The following SSX1 variants were observed in gnomAD, a reference collection of about 807,000 sequenced individuals.
SSX1 encodes the protein protein SSX1.
A neutral mutation model predicts 14.6 loss-of-function variants in SSX1; 58 were observed. That is an observed-to-expected ratio of 3.96 (90% CI 3.21 to 4.93). SSX1 has a LOEUF of 4.93. SSX1 is among the 30% of genes most tolerant of loss of function. SSX1 has a pLI of 0.00. For synonymous variants in SSX1, 46 were observed against 52.1 expected, an observed-to-expected ratio of 0.88 and a Z score of 0.50; for missense variants, 272 against 143.1, an observed-to-expected ratio of 1.90 and a Z score of -4.60.
intron 3 of SSX1, among the ~76,000 whole-genome samples, chrX:48,258,328 A>C (rs12557174): frequency 0.42 from 43,927 of 105,212 alleles, 7,024 homozygotes; most frequent in Non-Finnish European, 0.46. Context: ...GTAGCTGAGG[A>C]TATGAGCACA....
At chrX:48,266,634 G>T (rs1212371357) in intron 7 of SSX1, among the ~76,000 whole-genome samples, 2 of 111,750 alleles carry the variant, frequency 1.8e-5, no homozygotes, top group Non-Finnish European at 3.8e-5. Context: ...CTGATATGTG[G>T]CCACACCTTC....
chrX:48,265,611 T>G (rs2146616520), intron 6 of SSX1, among the ~76,000 whole-genome samples: 1 of 111,707 alleles, frequency 9.0e-6, no homozygotes, highest in East Asian at 2.8e-4. Flanking sequence ...TAGTCAATAA[T>G]AACTTAATCG....
chrX:48,261,789 G>C lies in SSX1; in HGVS notation c.304G>C (p.Gly102Arg). The C allele has an allele frequency of 1.7e-6, 2 of 1,210,579 alleles. No individual in the cohort carries two copies. The highest frequency in any genetic ancestry group is 1.8e-5 in the South Asian group (1 of 56,887). ...IQVEHPQMTF[G>R]RLHRIIPKIM... ...AGTTGAACATCCTCAGATGACTTTC[G>C]GCAGGCTCCACAGAATCATCCCGAA... The change falls in exon 5 of 8, where the codon GGC (glycine) becomes CGC (arginine). Residue 102 changes from glycine to arginine, a missense_variant. By Grantham distance (125) the Gly-to-Arg change is moderately radical (BLOSUM62 -2). Transcript: ENST00000376919.
In SSX1 at chrX:48,257,310, G is replaced by A. The variant is rs782015093; in HGVS notation, c.69G>A (p.Lys23=). 6.6e-6 allele frequency: 8 copies of A among 1,210,586 alleles called. No homozygotes were observed. The highest frequency in any genetic ancestry group is 8.9e-6 in the Non-Finnish European group (8 of 894,746). The stretch of plus-strand genomic sequence containing the variant: ...CTAAAGCATCAGAGAAGAGAAGCAA[G>A]GTGACGTGACCTGGAGGGGGCAGAG... ...DDAKASEKRS[K]AFDDIATYFS... The change falls in exon 2 of 8, where the codon AAG becomes AAA. Residue 23 remains lysine, a splice_region_variant and synonymous_variant. Transcript: ENST00000376919.
rs1391338759 is a variant in SSX1 at position 48,266,409 on chromosome X, T to G, written c.*4+18T>G. The G allele has an allele frequency of 8.3e-7, 1 of 1,208,241 alleles. No individual in the cohort carries two copies. The highest frequency in any genetic ancestry group is 1.7e-5 in the African/African-American group (1 of 57,204). ...GTAACTCCGTAAGTGAACCTTCGGC[T>G]CACCCTCCACATCCCTGCAGATGTG... On this transcript the variant is annotated intron_variant, in intron 7 of 7. Coordinates refer to ENST00000376919, the MANE Select transcript of SSX1 (RefSeq NM_005635.4).
chrX:48,257,695 G>A (rs1556934620), intron 2 of SSX1, 51 bp from the exon 3 acceptor site: 1 of 1,161,056 alleles, frequency 8.6e-7, no homozygotes, highest in Non-Finnish European at 1.2e-6. Flanking sequence ...CCAGCTGAAT[G>A]GCAGACATAC....
chrX:48,258,405 G>A (rs2059591593), intron 3 of SSX1, 131 bp from the exon 4 acceptor site: 1 of 529,149 alleles, frequency 1.9e-6, no homozygotes, highest in East Asian at 3.5e-5. Context: ...TGTTACACAG[G>A]CTCATCTTGA....
chrX:48,258,103 C>G (rs1474928744), intron 3 of SSX1, among the ~76,000 whole-genome samples: 26 of 107,516 alleles, frequency 2.4e-4, no homozygotes, highest in Admixed American at 2.0e-4. Flanking sequence ...CTGTTCTGAT[C>G]AGCCCAGCTG....
chrX:48,259,619 A>C (rs782281578), intron 4 of SSX1, among the ~76,000 whole-genome samples: 1 of 109,888 alleles, frequency 9.1e-6, no homozygotes, highest in African/African-American at 3.3e-5. Context: ...ACCCCACAAC[A>C]GTCCCCAGAG....
chrX:48,260,312 T>C (rs1255158734), intron 4 of SSX1, among the ~76,000 whole-genome samples: 1 of 110,723 alleles, frequency 9.0e-6, no homozygotes. Context: ...TGTTTTTTTC[T>C]TGTAAATTTG....
At chrX:48,260,439 A>C (rs1294948642) in intron 4 of SSX1, among the ~76,000 whole-genome samples, 1 of 111,896 alleles carries the variant, frequency 8.9e-6, no homozygotes, top group Non-Finnish European at 1.9e-5. Context: ...TTTGCTGTGC[A>C]GAAGCTCTTT....
At chrX:48,261,603 A>C (rs781890731) in intron 4 of SSX1, among the ~76,000 whole-genome samples, 163 bp from the exon 5 acceptor site, 3 of 112,609 alleles carry the variant, frequency 2.7e-5, no homozygotes, top group Admixed American at 9.5e-5. Flanking sequence ...CAGATAAATG[A>C]ACCAACCATG....
At chrX:48,257,568 T>A in intron 2 of SSX1, 178 bp from the exon 3 acceptor site, 3 of 752,847 alleles carry the variant, frequency 4.0e-6, no homozygotes, top group Non-Finnish European at 4.7e-6. Flanking sequence ...ATTAAAGCCC[T>A]AATGTGTGCC....
chrX:48,257,107 G>A (rs2059584633), intron 1 of SSX1, 115 bp from the exon 2 acceptor site: 4 of 667,054 alleles, frequency 6.0e-6, no homozygotes, highest in East Asian at 3.4e-5. Flanking sequence ...AGCCCCGAAT[G>A]GAGAAATGCA....
intron 5 of SSX1, among the ~76,000 whole-genome samples, chrX:48,262,056 A>G (rs1358153222): frequency 1.8e-5 from 2 of 111,973 alleles, no homozygotes; most frequent in African/African-American, 3.2e-5. Flanking sequence ...TAATTAATTT[A>G]ATCCATAAGA....
At chrX:48,259,186 G>A (rs80178631) in intron 4 of SSX1, among the ~76,000 whole-genome samples, 41,916 of 109,204 alleles carry the variant, frequency 0.38, 6,232 homozygotes, top group Non-Finnish European at 0.46. Context: ...TAGTAGAGAT[G>A]GGGTTTCACC....
chrX:48,266,908 C>T lies in SSX1; in HGVS notation c.*59C>T, dbSNP rs1556936571. The T allele has an allele frequency of 5.4e-6, 6 of 1,104,831 alleles. No individual in the cohort carries two copies. The highest frequency in any genetic ancestry group is 6.2e-6 in the Non-Finnish European group (5 of 811,848). The allele number at this position is 1,104,831 out of a possible 1,213,427, so 91.1% of individuals were successfully genotyped here. Reference sequence around the variant, plus strand: ...AGAAGCAGAACGTGGTGACCTTTCACGAACATGGGCATGGCTGCGGCTCCC... The same window carrying T: ...AGAAGCAGAACGTGGTGACCTTTCATGAACATGGGCATGGCTGCGGCTCCC... On this transcript the variant is annotated 3_prime_UTR_variant, in exon 8 of 8. Transcript: ENST00000376919.
At position 48,261,777 on chromosome X, in the gene SSX1, C is replaced by T. The variant is rs1178293574; in HGVS notation, c.292C>T (p.Gln98Ter). The T allele has an allele frequency of 4.1e-6, 5 of 1,209,656 alleles. No individual in the cohort carries two copies. In the African/African-American group the frequency reaches 5.2e-5, roughly 13 times the overall value. ...HNRRIQVEHPQMTFGRLHRII... is the reference protein window; with the variant it reads ...HNRRIQVEHP The stretch of plus-strand genomic sequence containing the variant: ...GTGTTCTCTTTCAGTTGAACATCCT[C>T]AGATGACTTTCGGCAGGCTCCACAG... Residue 98 changes from glutamine (Q) to a stop codon, truncating the protein, a stop_gained, in exon 5 of 8, where the codon CAG (glutamine) becomes TAG (stop). Transcript: ENST00000376919. LOFTEE classifies it high-confidence loss of function.
intron 6 of SSX1, among the ~76,000 whole-genome samples, chrX:48,264,833 A>T (rs1339138923): frequency 2.7e-5 from 3 of 112,768 alleles, no homozygotes; most frequent in African/African-American, 9.7e-5. Flanking sequence ...TCTATATTGA[A>T]AATCTGTTGT....
Sources: allele counts gnomAD v4.1 joint callset (sites outside exome capture counted in the v4.1 genomes callset), GRCh38; gene constraint gnomAD v4.1.1; transcripts MANE v1.5; gene names NCBI Gene and HGNC (gene_info 2026-07-23, HGNC 2026-07-21).